Variants in CROCC2 observed in about 807,000 individuals in gnomAD.
The protein encoded by CROCC2 is ciliary rootlet coiled-coil protein 2.
A neutral mutation model predicts 177.6 loss-of-function variants in CROCC2; 163 were observed. The ratio of observed to expected loss-of-function variants is 0.92; its 90% CI spans 0.81 to 1.05. CROCC2 has a LOEUF of 1.05. Ranked by LOEUF, CROCC2 falls within the 50% of genes least tolerant of loss-of-function variation. The pLI, the probability that CROCC2 is intolerant of heterozygous loss-of-function variation, is 0.00. For missense variants in CROCC2, 1,929 were observed against 1,797.8 expected (o/e 1.07, Z -1.32); for synonymous variants, 904 against 787.3 (o/e 1.15, Z -2.48).
At chr2:240,948,457 A>G (rs1264995655) in intron 15 of CROCC2, among the ~76,000 whole-genome samples, 5 of 152,082 alleles carry the variant, frequency 3.3e-5, no homozygotes, top group African/African-American at 1.2e-4. Flanking sequence ...TCTGTGTTTG[A>G]GTCTTTGTGA....
intron 31 of CROCC2, among the ~76,000 whole-genome samples, chr2:240,992,633 A>G (rs1559195336): frequency 6.6e-6 from 1 of 152,166 alleles, no homozygotes; most frequent in Non-Finnish European, 1.5e-5. Flanking sequence ...GTGACCCATG[A>G]GTGGATGTTA....
intron 3 of CROCC2, among the ~76,000 whole-genome samples, chr2:240,920,379 C>T (rs1384488677): frequency 6.6e-6 from 1 of 152,182 alleles, no homozygotes. Context: ...TTTCTGATGC[C>T]CAGCGTGTCC....
chr2:240,920,377 G>T (rs2059350684), intron 3 of CROCC2, among the ~76,000 whole-genome samples: 1 of 152,234 alleles, frequency 6.6e-6, no homozygotes, highest in African/African-American at 2.4e-5. Context: ...CCTTTCTGAT[G>T]CCCAGCGTGT....
rs536023859 is a variant in CROCC2, at chr2:240,959,186, G to A, written c.2944-115G>A. 2.3e-4 allele frequency: 289 copies of A among 1,243,978 alleles called. No homozygotes were observed. The African/African-American group carries it at 2.8e-3, about 12-fold the overall frequency. 77.1% of individuals were successfully genotyped at this position (1,243,978 alleles called of 1,614,324 possible). A position where few individuals can be genotyped will look rare whatever the true frequency, so the allele number is the denominator to read the frequency against. ...GGGGCTTGCACGATCAGCAGGACCC[G>A]GCTCCCCCTCCCAGGCCACTGCAAC... On this transcript the variant is annotated intron_variant, in intron 19 of 31. Coordinates refer to ENST00000690015, the MANE Select transcript of CROCC2 (RefSeq NM_001351305.2).
In CROCC2 at chr2:240,960,566, G is replaced by C. The variant is rs1476196831; in HGVS notation, c.3087+1122G>C. On this transcript the variant is annotated intron_variant, in intron 20 of 31. Coordinates refer to ENST00000690015, the MANE Select transcript of CROCC2 (RefSeq NM_001351305.2). The surrounding 1 kb of genome is among the most constrained non-coding windows in gnomAD (Gnocchi z 5.0). ...CGCGGATCTGGGCTAGAGGAGGGGA[G>C]GGTCAGCTGGAGCCCCAGCGGGGCC... Among the ~76,000 whole-genome samples the C allele has an allele frequency of 6.6e-6, 1 of 152,156 alleles. No homozygotes were observed. The highest frequency in any genetic ancestry group is 1.9e-4 in the East Asian group (1 of 5,176).
intron 21 of CROCC2, 61 bp downstream of exon 21, chr2:240,963,834 T>C: frequency 6.6e-7 from 1 of 1,511,794 alleles, no homozygotes; most frequent in Non-Finnish European, 9.0e-7. Context: ...ACCCAGGCCG[T>C]AGGGAGGATG....
intron 15 of CROCC2, 31 bp from the exon 16 acceptor site, chr2:240,948,948 G>T (rs1366544822): frequency 1.3e-6 from 2 of 1,548,040 alleles, no homozygotes; most frequent in Non-Finnish European, 1.7e-6. Context: ...TCTTGGGGAT[G>T]ACTTGCCCAT....
chr2:240,957,294 G>C (rs1185626382), intron 19 of CROCC2: 1 of 152,318 alleles, frequency 6.6e-6, no homozygotes, highest in African/African-American at 2.4e-5. Flanking sequence ...CGTACTTGTT[G>C]GCTTATTTTA....
rs531319077 is a variant in CROCC2 at position 240,965,932 on chromosome 2, C to G, written c.3900C>G (p.Gly1300=). The G allele has an allele frequency of 1.1e-5, 16 of 1,413,800 alleles. No individual in the cohort carries two copies. The South Asian group carries it at 1.6e-4, about 14-fold the overall frequency. The allele number at this position is 1,413,800 out of a possible 1,614,324, so 87.6% of individuals were successfully genotyped here. A position where few individuals can be genotyped will look rare whatever the true frequency, so the allele number is the denominator to read the frequency against. The change falls in exon 24 of 32, where the codon GGC becomes GGG. Residue 1300 remains glycine (G), a synonymous_variant. Transcript: ENST00000690015. Reference sequence around the variant, plus strand: ...GGCTGTGCTCCACGCTCCGCCGTGGCCTGGGGCTCCAGAGACAGAGCCCGT... The same window carrying G: ...GGCTGTGCTCCACGCTCCGCCGTGGGCTGGGGCTCCAGAGACAGAGCCCGT... ...LGRLCSTLRR[G]LGLQRQSPWA...
At chr2:240,934,784 C>A in intron 12 of CROCC2, 132 bp from the exon 13 acceptor site, 1 of 1,041,466 alleles carries the variant, frequency 9.6e-7, no homozygotes, top group Non-Finnish European at 1.3e-6. Context: ...ACTGTGGCGA[C>A]CTTCCCACCA....
chr2:240,935,041 C>T lies in CROCC2; in HGVS notation c.1917C>T (p.Ala639=). 1 of 1,382,868 alleles carries T rather than the reference C, an allele frequency of 7.2e-7. No individual in the cohort carries two copies. The highest frequency in any genetic ancestry group is 9.4e-7 in the Non-Finnish European group (1 of 1,061,876). 85.7% of individuals were successfully genotyped at this position (1,382,868 alleles called of 1,614,324 possible). A position where few individuals can be genotyped will look rare whatever the true frequency, so the allele number is the denominator to read the frequency against. The stretch of plus-strand genomic sequence containing the variant: ...AGGGGTTGGCTCAGGACAAAAGTGC[C>T]CTGAACCACCTGGCTCTCCAGGTGA... ...LMEGLAQDKS[A]LNHLALQLEQ... Residue 639 remains alanine (A), a synonymous_variant, in exon 13 of 32, where the codon GCC becomes GCT. Coordinates refer to ENST00000690015, the MANE Select transcript of CROCC2 (RefSeq NM_001351305.2).
In CROCC2 at chr2:240,959,294, C is replaced by A; in HGVS notation, c.2944-7C>A. The stretch of plus-strand genomic sequence containing the variant: ...TGGTGCCACCGTGGGCTCCCTTCTC[C>A]CCGCAGGCCACCATCAGTGCCACGA... On this transcript the variant is annotated splice_region_variant and splice_polypyrimidine_tract_variant and intron_variant, in intron 19 of 31. Transcript: ENST00000690015. The A allele has an allele frequency of 6.5e-7, 1 of 1,550,032 alleles. No homozygotes were observed. The highest frequency in any genetic ancestry group is 1.2e-5 in the South Asian group (1 of 84,004).
At chr2:240,907,686 G>C (rs545880390) in intron 1 of CROCC2, among the ~76,000 whole-genome samples, 45 of 152,162 alleles carry the variant, frequency 3.0e-4, no homozygotes, top group African/African-American at 1.0e-3. Flanking sequence ...AGACAAAGAG[G>C]TGCCGTGGGG....
In CROCC2 at chr2:240,960,353, G is replaced by A. The variant is rs551584762; in HGVS notation, c.3087+909G>A. Reference sequence around the variant, plus strand: ...TGTGCCTGGGCCTGGCCAAGGGCCCGAGGTTGACACGGAGGCCCCCAGGAG... The same window carrying A: ...TGTGCCTGGGCCTGGCCAAGGGCCCAAGGTTGACACGGAGGCCCCCAGGAG... On this transcript the variant is annotated intron_variant, in intron 20 of 31. Transcript: ENST00000690015. This position sits in a 1 kb window ranked among gnomAD's most constrained non-coding sequence, Gnocchi z 5.0. Among the ~76,000 whole-genome samples, 4 of 152,322 alleles carry A rather than the reference G, an allele frequency of 2.6e-5. No individual in the cohort carries two copies. Among genetic ancestry groups the A allele is most frequent in the South Asian group, 2.1e-4 (1 of 4,828 alleles).
intron 4 of CROCC2, 137 bp from the exon 5 acceptor site, chr2:240,925,587 G>A (rs55642009): frequency 0.011 from 6,618 of 605,944 alleles, 308 homozygotes; most frequent in African/African-American, 0.11. Flanking sequence ...GCAGAGCAGC[G>A]GCTGTGCACC....
intron 31 of CROCC2, among the ~76,000 whole-genome samples, chr2:240,992,333 G>T (rs1441918449): frequency 1.3e-5 from 2 of 152,190 alleles, no homozygotes; most frequent in East Asian, 3.9e-4. Flanking sequence ...AGGGTGCAAG[G>T]CCAGAGGCTC....
Position 240,950,286 on chromosome 2 carries a change from T to C in CROCC2, c.2653-48T>C, listed in dbSNP as rs1411563142. ...CTCACTCAGGACCATAGACAACTGCTGGCCTCACCTGCCGGACCTCACAGC... is the reference window on the plus strand; with the variant it reads ...CTCACTCAGGACCATAGACAACTGCCGGCCTCACCTGCCGGACCTCACAGC... On this transcript the variant is annotated intron_variant, in intron 17 of 31. Transcript: ENST00000690015. 3.9e-6 allele frequency: 6 copies of C among 1,522,974 alleles called. No homozygotes were observed. The South Asian group carries it at 5.0e-5, about 13-fold the overall frequency. 94.3% of individuals were successfully genotyped at this position (1,522,974 alleles called of 1,614,324 possible). A position where few individuals can be genotyped will look rare whatever the true frequency, so the allele number is the denominator to read the frequency against.
Position 240,920,031 on chromosome 2 carries a change from A to G in CROCC2, c.278A>G (p.Asn93Ser), listed in dbSNP as rs1574747247. 1.4e-6 allele frequency: 1 copy of G among 716,616 alleles called. No individual in the cohort carries two copies. The highest frequency in any genetic ancestry group is 2.6e-6 in the Non-Finnish European group (1 of 384,900). 44.4% of individuals were successfully genotyped at this position (716,616 alleles called of 1,614,324 possible). ...ACTGTGGCCCGAGTGCAAGAGGAGA[A>G]CGAGCTCCTGCAGGAGGAGCTGACC... ...TATVARVQEE[N>S]ELLQEELTRL... is the part of the protein sequence containing the mutation. Residue 93 changes from asparagine to serine, a missense_variant, in exon 3 of 32, where the codon AAC becomes AGC. Asn to Ser is a conservative substitution (Grantham distance 46). Around this residue, in one of 3 missense-constraint regions of CROCC2, gnomAD observed 1,397 missense variants for 1,239.9 expected, o/e 1.13. Coordinates refer to ENST00000690015, the MANE Select transcript of CROCC2 (RefSeq NM_001351305.2).
intron 5 of CROCC2, 62 bp from the exon 6 acceptor site, chr2:240,930,104 T>C: frequency 1.9e-6 from 1 of 517,688 alleles, no homozygotes; most frequent in East Asian, 3.0e-5. Flanking sequence ...TGGAAAAGAG[T>C]GGGCTTCAGG....
Sources: gnomAD v4.1 joint callset for allele counts (sites outside exome capture counted in the v4.1 genomes callset) on GRCh38, gnomAD v4.1.1 for gene constraint, gnomAD v4.1.1 regional missense constraint, Gnocchi (gnomAD v3.1) non-coding constraint, MANE v1.5 for transcripts, NCBI Gene and HGNC (gene_info 2026-07-23, HGNC 2026-07-21) for gene names.